Variants in SYT17 observed in about 807,000 individuals in gnomAD.
The protein encoded by SYT17 is synaptotagmin 17.
SYT17 carries 22 observed loss-of-function variants against 46.7 expected under a neutral mutation model. That is an observed-to-expected ratio of 0.47 (90% CI 0.34 to 0.67). SYT17 has a LOEUF of 0.67. Ranked by LOEUF, SYT17 falls within the 30% of genes least tolerant of loss-of-function variation. The pLI is 0.01. For missense variants in SYT17, 519 were observed against 612.8 expected, an observed-to-expected ratio of 0.85 and a Z score of 1.62; for synonymous variants, 251 against 248.4, an observed-to-expected ratio of 1.01 and a Z score of -0.10.
chr16:19,172,228 T>A, intron 1 of SYT17: 1 of 745,734 alleles, frequency 1.3e-6, no homozygotes, highest in Non-Finnish European at 1.7e-6. Context: ...GGCTTCCTTT[T>A]TAGTTCCCTC....
chr16:19,208,523 T>A (rs1011720938), intron 5 of SYT17, among the ~76,000 whole-genome samples: 2 of 152,152 alleles, frequency 1.3e-5, no homozygotes, highest in Non-Finnish European at 2.9e-5. Flanking sequence ...ACTCACTCAC[T>A]GTTATGAGAA....
At chr16:19,232,521 C>A (rs1016020373) in intron 7 of SYT17, among the ~76,000 whole-genome samples, 2 of 152,050 alleles carry the variant, frequency 1.3e-5, no homozygotes, top group African/African-American at 4.8e-5. Flanking sequence ...ATTGATTGTG[C>A]CAGTGCATTA....
chr16:19,208,884 CT>C lies in SYT17; in HGVS notation c.952-14135del, dbSNP rs1191498524. 8.6e-3 allele frequency among the ~76,000 whole-genome samples: 545 copies of C among 63,232 alleles called. 1 individual carries two copies. The highest frequency in any genetic ancestry group is 0.011 in the Non-Finnish European group (404 of 35,598). 41.5% of individuals were successfully genotyped at this position (63,232 alleles called of 152,430 possible). On this transcript the variant is annotated intron_variant, in intron 5 of 7. Transcript: ENST00000355377. ...ATTTAATCACTTCTACAAGGACCTTCTTTTTTTTTTTTTTTTTTTTTTTTTT... is the reference window on the plus strand; with the variant it reads ...ATTTAATCACTTCTACAAGGACCTTCTTTTTTTTTTTTTTTTTTTTTTTTT...
At chr16:19,203,722 C>T (rs2142751814) in intron 5 of SYT17, among the ~76,000 whole-genome samples, 1 of 152,308 alleles carries the variant, frequency 6.6e-6, no homozygotes, top group Non-Finnish European at 1.5e-5. Context: ...AGCACCTTTG[C>T]CTGGCACAGG....
chr16:19,224,944 C>T, intron 7 of SYT17, 106 bp downstream of exon 7: 1 of 1,329,192 alleles, frequency 7.5e-7, no homozygotes, highest in Non-Finnish European at 1.0e-6. Context: ...AACGTAATGT[C>T]TGGCATTCAA....
chr16:19,247,201 A>G (rs1967642117), intron 7 of SYT17, among the ~76,000 whole-genome samples: 1 of 152,208 alleles, frequency 6.6e-6, no homozygotes, highest in Non-Finnish European at 1.5e-5. Flanking sequence ...TTACGGCCGT[A>G]TGATATCCCA....
chr16:19,181,050 G>C (rs985071595), intron 4 of SYT17, among the ~76,000 whole-genome samples: 1 of 152,196 alleles, frequency 6.6e-6, no homozygotes, highest in African/African-American at 2.4e-5. Flanking sequence ...CATTGAAAGG[G>C]GGCCAGGGTG....
At position 19,266,980 on chromosome 16, in the gene SYT17, G is replaced by A. The variant is rs1336690079; in HGVS notation, c.1329G>A (p.Met443Ile). The change falls in exon 8 of 8, where the codon ATG becomes ATA. Residue 443 changes from methionine to isoleucine, a missense_variant. Met to Ile is a conservative substitution (Grantham distance 10). Transcript: ENST00000355377. Reference sequence around the variant, plus strand: ...CTGAGACCAACCACTGGAGGCGCATGCTCAACACGCACCGCACAGCCGTGG... The same window carrying A: ...CTGAGACCAACCACTGGAGGCGCATACTCAACACGCACCGCACAGCCGTGG... ...GPSETNHWRRMLNTHRTAVEQ... is the reference protein window; with the variant it reads ...GPSETNHWRRILNTHRTAVEQ... 6.2e-7 allele frequency: 1 copy of A among 1,613,824 alleles called. No individual in the cohort carries two copies. Among genetic ancestry groups the A allele is most frequent in the South Asian group, 1.1e-5 (1 of 91,030 alleles).
chr16:19,201,410 G>A (rs138647619), intron 5 of SYT17, among the ~76,000 whole-genome samples: 27 of 152,242 alleles, frequency 1.8e-4, no homozygotes, highest in African/African-American at 6.3e-4. Flanking sequence ...CTCTTACACA[G>A]TAGGTTATCA....
chr16:19,256,434 TCAAACACACA>T (rs1968565343), intron 7 of SYT17, among the ~76,000 whole-genome samples: 1 of 39,012 alleles, frequency 2.6e-5, no homozygotes, highest in African/African-American at 1.0e-4. Flanking sequence ...TAACCCCTCT[TCAAACACACA>T]CACACACACA....
At chr16:19,195,086 A>G (rs11639758) in intron 5 of SYT17, among the ~76,000 whole-genome samples, 24,685 of 152,200 alleles carry the variant, frequency 0.16, 2,391 homozygotes, top group African/African-American at 0.28. Context: ...CATTAGGGAT[A>G]ATAATTCTTA....
chr16:19,233,088 G>A (rs1191768934), intron 7 of SYT17, among the ~76,000 whole-genome samples: 3 of 152,140 alleles, frequency 2.0e-5, no homozygotes, highest in African/African-American at 7.2e-5. Context: ...GCCAATCTTT[G>A]CCTCTACTGT....
chr16:19,221,987 A>G (rs1330828523), intron 5 of SYT17, among the ~76,000 whole-genome samples: 1 of 152,156 alleles, frequency 6.6e-6, no homozygotes, highest in Admixed American at 6.5e-5. Flanking sequence ...AAGCTGAATG[A>G]TGTTTGGGTA....
rs774549627 is a variant in SYT17 at position 19,224,724 on chromosome 16, G to T, written c.1114G>T (p.Val372Leu). The change falls in exon 7 of 8, where the codon GTG (valine) becomes TTG (leucine). Residue 372 changes from valine to leucine, a missense_variant. Val to Leu is a conservative substitution (Grantham distance 32, BLOSUM62 1). Transcript: ENST00000355377. ...KIQLVHGLKL[V>L]KTKKTSFLRG... Reference sequence around the variant, plus strand: ...CCAGCTGGTGCATGGACTCAAACTTGTGAAAACCAAGAAGACGTCCTTCTT... The same window carrying T: ...CCAGCTGGTGCATGGACTCAAACTTTTGAAAACCAAGAAGACGTCCTTCTT... 2 of 1,614,092 alleles carry T rather than the reference G, an allele frequency of 1.2e-6. No individual in the cohort carries two copies. Among genetic ancestry groups the T allele is most frequent in the Non-Finnish European group, 1.7e-6 (2 of 1,179,982 alleles).
chr16:19,259,581 T>C (rs1318458394), intron 7 of SYT17, among the ~76,000 whole-genome samples: 1 of 152,238 alleles, frequency 6.6e-6, no homozygotes, highest in Non-Finnish European at 1.5e-5. Flanking sequence ...CTGAGTTTAT[T>C]TGAATTATGT....
chr16:19,172,978 C>T, intron 2 of SYT17: 1 of 633,438 alleles, frequency 1.6e-6, no homozygotes, highest in Non-Finnish European at 2.7e-6. Flanking sequence ...AAGTTTCCCT[C>T]TCCACCCCTA....
At chr16:19,216,677 C>T (rs960720384) in intron 5 of SYT17, among the ~76,000 whole-genome samples, 1 of 152,158 alleles carries the variant, frequency 6.6e-6, no homozygotes, top group Non-Finnish European at 1.5e-5. Flanking sequence ...ATGATGGTTT[C>T]CAGCTTCATC....
chr16:19,223,854 A>G (rs1202998708), intron 6 of SYT17, among the ~76,000 whole-genome samples: 1 of 152,234 alleles, frequency 6.6e-6, no homozygotes, highest in Non-Finnish European at 1.5e-5. Flanking sequence ...AGGCAATGGT[A>G]TTAAGACTGA....
intron 5 of SYT17, among the ~76,000 whole-genome samples, chr16:19,188,718 G>A (rs2142637703): frequency 6.6e-6 from 1 of 152,192 alleles, no homozygotes; most frequent in South Asian, 2.1e-4. Flanking sequence ...CCAGATCAAG[G>A]CATTAGCAGA....
Sources: allele counts gnomAD v4.1 joint callset (sites outside exome capture counted in the v4.1 genomes callset), GRCh38; gene constraint gnomAD v4.1.1; transcripts MANE v1.5; gene names NCBI Gene and HGNC (gene_info 2026-07-23, HGNC 2026-07-21).